The following DLL3 variants were observed in gnomAD, a reference collection of about 807,000 sequenced individuals.
DLL3 encodes delta like canonical Notch ligand 3.
In DLL3, 49 loss-of-function variants were observed where a neutral mutation model predicts 55.0. The ratio of observed to expected loss-of-function variants is 0.89; its 90% CI spans 0.71 to 1.13. The LOEUF (loss-of-function observed/expected upper bound fraction) is 1.13. Among genes scored for constraint, DLL3 ranks in the 50% most tolerant of loss-of-function variants. The pLI, the probability that DLL3 is intolerant of heterozygous loss-of-function variation, is 0.00. For missense variants in DLL3, 962 were observed against 875.5 expected (o/e 1.10, Z -1.25); for synonymous variants, 421 against 385.2 (o/e 1.09, Z -1.09).
chr19:39,500,138 A>C (rs2079601024), intron 2 of DLL3, among the ~76,000 whole-genome samples: 1 of 152,044 alleles, frequency 6.6e-6, no homozygotes, highest in African/African-American at 2.4e-5. Flanking sequence ...GTAAGTGCTC[A>C]ATAAAGCAAG....
rs201902809 is a variant in DLL3, at chr19:39,500,600, C to A, written c.352-15C>A. The A allele has an allele frequency of 6.2e-7, 1 of 1,612,436 alleles. No individual in the cohort carries two copies. Among genetic ancestry groups the A allele is most frequent in the Non-Finnish European group, 8.5e-7 (1 of 1,178,602 alleles). On this transcript the variant is annotated splice_polypyrimidine_tract_variant and intron_variant, in intron 2 of 8. Transcript: ENST00000356433. The stretch of plus-strand genomic sequence containing the variant: ...GTCTTTCATCTTTCATCTCCCCCTT[C>A]CTTCACCCAACCAGGGCACCTTCTC...
chr19:39,508,239 A>T lies in DLL3; in HGVS notation c.1759-13A>T. The T allele has an allele frequency of 1.9e-6, 3 of 1,613,514 alleles. No homozygotes were observed. Among genetic ancestry groups the T allele is most frequent in the Non-Finnish European group, 2.5e-6 (3 of 1,179,944 alleles). On this transcript the variant is annotated splice_polypyrimidine_tract_variant and intron_variant, in intron 8 of 8. Transcript: ENST00000356433. ...GCAGCCTCTCTAATGCTTCCTACTC[A>T]TTTTGTTTCTAGGCCTGACGCGTCT...
chr19:39,499,154 C>T lies in DLL3; in HGVS notation c.70-38C>T, dbSNP rs761845083. The T allele has an allele frequency of 1.3e-5, 21 of 1,600,182 alleles. No individual in the cohort carries two copies. The South Asian group carries it at 2.2e-4, about 17-fold the overall frequency. ...GTGGGGCGGACGGGAAGCCTGGGTC[C>T]TCCCGGCCGCCTCACCCTGCGCCCG... is the stretch of plus-strand genomic sequence containing the variant. On this transcript the variant is annotated intron_variant, in intron 1 of 8. Transcript: ENST00000356433.
At chr19:39,508,149 G>A in intron 8 of DLL3, 103 bp from the exon 9 acceptor site, 1 of 1,613,918 alleles carries the variant, frequency 6.2e-7, no homozygotes, top group Non-Finnish European at 8.5e-7. Flanking sequence ...AGGAGGTCAC[G>A]ATGCCGACTC....
chr19:39,504,058 C>G lies in DLL3; in HGVS notation c.653-13C>G, dbSNP rs1335489958. 1 of 1,612,902 alleles carries G rather than the reference C, an allele frequency of 6.2e-7. No individual in the cohort carries two copies. Among genetic ancestry groups the G allele is most frequent in the Non-Finnish European group, 8.5e-7 (1 of 1,179,860 alleles). On this transcript the variant is annotated splice_polypyrimidine_tract_variant and intron_variant, in intron 4 of 8. Transcript: ENST00000356433. ...TGGTGTTCCCTTTCTCTCTGCCTCT[C>G]TGTCCCCCATAGTGGTGTGCCGAGC... is the stretch of plus-strand genomic sequence containing the variant.
intron 3 of DLL3, 43 bp downstream of exon 3, chr19:39,500,715 A>T: frequency 6.5e-7 from 1 of 1,548,878 alleles, no homozygotes; most frequent in Non-Finnish European, 8.9e-7. Context: ...GCTGGGGCCC[A>T]CGTGAGACAC....
At position 39,502,884 on chromosome 19, in the gene DLL3, G is replaced by C; in HGVS notation, c.479G>C (p.Arg160Pro). Residue 160 changes from arginine to proline, a missense_variant, in exon 4 of 9, where the codon CGG (arginine) becomes CCG (proline). Physicochemically the swap from Arg to Pro is moderately radical, Grantham distance 103. Transcript: ENST00000356433. Reference sequence around the variant, plus strand: ...TTGGCAGCCGGAGGCCCGTGGGCCCGGGACATTCAGCGCGCAGGCGCCTGG... The same window carrying C: ...TTGGCAGCCGGAGGCCCGTGGGCCCCGGACATTCAGCGCGCAGGCGCCTGG... Reference protein sequence around the residue: ...RRLAAGGPWARDIQRAGAWEL... With the variant: ...RRLAAGGPWAPDIQRAGAWEL... 1 of 1,440,118 alleles carries C rather than the reference G, an allele frequency of 6.9e-7. No homozygotes were observed. Among genetic ancestry groups the C allele is most frequent in the Non-Finnish European group, 9.1e-7 (1 of 1,102,288 alleles). The allele number at this position is 1,440,118 out of a possible 1,614,324, so 89.2% of individuals were successfully genotyped here.
chr19:39,504,402 T>A, intron 5 of DLL3, 114 bp downstream of exon 5: 1 of 1,198,104 alleles, frequency 8.3e-7, no homozygotes, highest in Non-Finnish European at 1.2e-6. Flanking sequence ...GGAATAACTA[T>A]CAGGGAGGTC....
rs1395092104 is a variant in DLL3, at chr19:39,505,450, T to C, written c.1092T>C (p.Asn364=). 4 of 1,613,802 alleles carry C rather than the reference T, an allele frequency of 2.5e-6. No homozygotes were observed. The highest frequency in any genetic ancestry group is 2.2e-5 in the East Asian group (1 of 44,870). The change falls in exon 6 of 9, where the codon AAT becomes AAC. Residue 364 remains asparagine (N), a splice_region_variant and synonymous_variant. Coordinates refer to ENST00000356433, the MANE Select transcript of DLL3 (RefSeq NM_203486.3). ...GGTGCAGCCTGCAGCCATGCCGCAA[T>C]GGTGAGGCCTGGAGGCCTGAACGGC... The part of the protein sequence containing the change: ...VDRCSLQPCR[N]GGLCLDLGHA...
rs773012836 is a variant in DLL3 at position 39,507,932 on chromosome 19, C to A, written c.1758+18C>A. On this transcript the variant is annotated intron_variant, in intron 8 of 8. Transcript: ENST00000356433. Reference sequence around the variant, plus strand: ...CTCGGGAGGTAGCGACGCCCCTTTTCCCCCCGCTACACACTGGGCGCGCTG... The same window carrying A: ...CTCGGGAGGTAGCGACGCCCCTTTTACCCCCGCTACACACTGGGCGCGCTG... 2 of 1,614,056 alleles carry A rather than the reference C, an allele frequency of 1.2e-6. No individual in the cohort carries two copies. The highest frequency in any genetic ancestry group is 1.7e-6 in the Non-Finnish European group (2 of 1,180,000).
intron 2 of DLL3, 122 bp from the exon 3 acceptor site, chr19:39,500,493 C>A: frequency 1.2e-6 from 1 of 820,876 alleles, no homozygotes; most frequent in Non-Finnish European, 2.0e-6. Context: ...GGGAATTGTC[C>A]CTTGCTTGCT....
At chr19:39,502,134 C>T (rs959577299) in intron 3 of DLL3, among the ~76,000 whole-genome samples, 11 of 151,770 alleles carry the variant, frequency 7.2e-5, no homozygotes, top group Middle Eastern at 3.4e-3. Context: ...TGGCAGTGAG[C>T]CGAGATCACA....
chr19:39,504,829 A>T (rs2079631135), intron 5 of DLL3, among the ~76,000 whole-genome samples: 1 of 151,958 alleles, frequency 6.6e-6, no homozygotes. Context: ...ATACTGCCAC[A>T]CTCAGGGTTC....
chr19:39,507,982 C>G (rs756522236), intron 8 of DLL3, 68 bp downstream of exon 8: 1 of 1,613,816 alleles, frequency 6.2e-7, no homozygotes, highest in Non-Finnish European at 8.5e-7. Context: ...CTGCTTTTTC[C>G]CTACCCTTCC....
Position 39,507,176 on chromosome 19 carries a change from G to A in DLL3, c.1231G>A (p.Gly411Ser). The A allele has an allele frequency of 5.1e-6, 7 of 1,359,254 alleles. No homozygotes were observed. Among genetic ancestry groups the A allele is most frequent in the Non-Finnish European group, 6.6e-6 (7 of 1,064,992 alleles). The allele number at this position is 1,359,254 out of a possible 1,614,324, so 84.2% of individuals were successfully genotyped here. Residue 411 changes from glycine to serine, a missense_variant, in exon 7 of 9, where the codon GGC (glycine) becomes AGC (serine). Coordinates refer to ENST00000356433, the MANE Select transcript of DLL3 (RefSeq NM_203486.3). ...ANGGTCVEGGGAHRCSCALGF... is the reference protein window; with the variant it reads ...ANGGTCVEGGSAHRCSCALGF... ...CGGCGGCACGTGTGTGGAGGGCGGC[G>A]GCGCGCACCGCTGCTCCTGCGCGCT...
intron 4 of DLL3, among the ~76,000 whole-genome samples, chr19:39,503,626 C>T (rs895875546): frequency 5.3e-5 from 8 of 152,184 alleles, no homozygotes; most frequent in African/African-American, 1.9e-4. Context: ...TTTCAGAGCC[C>T]CACCAAGGCC....
chr19:39,502,766 A>G, intron 3 of DLL3, 49 bp from the exon 4 acceptor site: 6 of 1,322,740 alleles, frequency 4.5e-6, no homozygotes, highest in Non-Finnish European at 5.8e-6. Flanking sequence ...GTATGCATCC[A>G]TGTTCGGCCG....
rs750165021 is a variant in DLL3, at chr19:39,498,989, G to A, written c.15G>A (p.Arg5=). Residue 5 remains arginine, a synonymous_variant, in exon 1 of 9, where the codon CGG becomes CGA. Coordinates refer to ENST00000356433, the MANE Select transcript of DLL3 (RefSeq NM_203486.3). ...ACCAGAAGGCCATGGTCTCCCCACG[G>A]ATGTCCGGGCTCCTCTCCCAGACTG... MVSP[R]MSGLLSQTVI... The A allele has an allele frequency of 1.9e-6, 3 of 1,613,922 alleles. No individual in the cohort carries two copies. The highest frequency in any genetic ancestry group is 2.2e-5 in the South Asian group (2 of 91,082).
intron 2 of DLL3, among the ~76,000 whole-genome samples, chr19:39,500,213 A>C (rs1394959075): frequency 6.6e-6 from 1 of 150,698 alleles, no homozygotes; most frequent in Non-Finnish European, 1.5e-5. Context: ...GGATCTCCTG[A>C]GCCCGGCAGT....
Sources: gnomAD v4.1 joint callset for allele counts (sites outside exome capture counted in the v4.1 genomes callset) on GRCh38, gnomAD v4.1.1 for gene constraint, MANE v1.5 for transcripts, NCBI Gene and HGNC (gene_info 2026-07-23, HGNC 2026-07-21) for gene names.